The following KIF16B variants were observed in gnomAD, a reference collection of about 807,000 sequenced individuals.
KIF16B encodes the protein kinesin family member 16B.
In KIF16B, 98 loss-of-function variants were observed where a neutral mutation model predicts 156.3. That is an observed-to-expected ratio of 0.63 (90% CI 0.53 to 0.74). The LOEUF is 0.74. Ranked by LOEUF, KIF16B falls within the 30% of genes least tolerant of loss-of-function variation. The pLI is 0.00. For synonymous variants in KIF16B, 564 were observed against 583.7 expected, an observed-to-expected ratio of 0.97 and a Z score of 0.49; for missense variants, 1,421 against 1,606.5, an observed-to-expected ratio of 0.88 and a Z score of 1.97.
Position 16,542,187 on chromosome 20 carries a change from C to T in KIF16B, c.48-13747G>A, listed in dbSNP as rs572517008. The stretch of plus-strand genomic sequence containing the variant: ...GCTGAAAGGAGAATAGCCTAACAAT[C>T]AGAAGTGCCTCAGTACAAAATGAGT... On this transcript the variant is annotated intron_variant, in intron 1 of 25. Coordinates refer to ENST00000354981, the MANE Select transcript of KIF16B (RefSeq NM_024704.5). Among the ~76,000 whole-genome samples, 5 of 152,122 alleles carry T rather than the reference C, an allele frequency of 3.3e-5. No homozygotes were observed. The East Asian group carries it at 7.7e-4, about 24-fold the overall frequency.
intron 25 of KIF16B, among the ~76,000 whole-genome samples, chr20:16,279,594 CTA>C (rs1180585948): frequency 6.6e-6 from 1 of 152,138 alleles, no homozygotes; most frequent in African/African-American, 2.4e-5. Flanking sequence ...CAGGGCTAGT[CTA>C]TGCTAAGATG....
Position 16,406,286 on chromosome 20 carries a change from A to G in KIF16B, c.1695+88T>C, listed in dbSNP as rs895062682. 2.1e-5 allele frequency: 24 copies of G among 1,118,278 alleles called. No homozygotes were observed. In the Admixed American group the frequency reaches 3.6e-4, roughly 17 times the overall value. The allele number at this position is 1,118,278 out of a possible 1,614,324, so 69.3% of individuals were successfully genotyped here. On this transcript the variant is annotated intron_variant, in intron 16 of 25. Coordinates refer to ENST00000354981, the MANE Select transcript of KIF16B (RefSeq NM_024704.5). ...TTTTCCACGGTTCTGCACCCCAGAA[A>G]GTCAAAAGATTGGAACCAGAGTGAC... is the stretch of plus-strand genomic sequence containing the variant.
chr20:16,366,146 TAGG>T (rs1454500684), intron 22 of KIF16B, among the ~76,000 whole-genome samples: 3 of 152,160 alleles, frequency 2.0e-5, no homozygotes, highest in East Asian at 3.9e-4. Context: ...GCCTCTTACC[TAGG>T]AGGAGGCAGC....
At chr20:16,372,085 C>T (rs1239076282) in intron 20 of KIF16B, among the ~76,000 whole-genome samples, 3 of 152,184 alleles carry the variant, frequency 2.0e-5, no homozygotes, top group Non-Finnish European at 4.4e-5. Context: ...CTTCAGAAGG[C>T]TCTGCGGTCT....
chr20:16,422,429 C>G (rs1368162132), intron 15 of KIF16B, among the ~76,000 whole-genome samples: 1 of 152,022 alleles, frequency 6.6e-6, no homozygotes, highest in Non-Finnish European at 1.5e-5. Flanking sequence ...AGGAACATTG[C>G]TGGTCAATGT....
At chr20:16,487,000 T>C (rs547601856) in intron 12 of KIF16B, among the ~76,000 whole-genome samples, 1 of 152,248 alleles carries the variant, frequency 6.6e-6, no homozygotes, top group South Asian at 2.1e-4. Flanking sequence ...ACACCTATAA[T>C]CTCAGCAGTT....
chr20:16,378,107 T>C (rs924747324), intron 19 of KIF16B, among the ~76,000 whole-genome samples: 1 of 152,202 alleles, frequency 6.6e-6, no homozygotes, highest in Non-Finnish European at 1.5e-5. Flanking sequence ...GATTTTTTCA[T>C]TCCCAACATG....
chr20:16,378,386 T>G (rs1008397895), intron 19 of KIF16B, among the ~76,000 whole-genome samples: 3 of 143,346 alleles, frequency 2.1e-5, no homozygotes, highest in African/African-American at 2.6e-5. Flanking sequence ...ATAGATGCAA[T>G]GGAAGGGAGA....
intron 24 of KIF16B, among the ~76,000 whole-genome samples, chr20:16,325,096 C>T (rs2063824758): frequency 6.6e-6 from 1 of 151,996 alleles, no homozygotes; most frequent in African/African-American, 2.4e-5. Flanking sequence ...TGACAAAATC[C>T]AGCATCGCTT....
chr20:16,435,838 A>G (rs766695784), intron 12 of KIF16B, among the ~76,000 whole-genome samples: 1 of 152,134 alleles, frequency 6.6e-6, no homozygotes, highest in Non-Finnish European at 1.5e-5. Flanking sequence ...TAGTCCTGCA[A>G]TGATGTTGTT....
At chr20:16,382,064 C>T in intron 17 of KIF16B, 4 of 1,291,120 alleles carry the variant, frequency 3.1e-6, no homozygotes, top group Non-Finnish European at 4.2e-6. Context: ...TGCAGCTTAG[C>T]ACTGATGAGT....
chr20:16,489,018 G>C (rs979539250), intron 12 of KIF16B, among the ~76,000 whole-genome samples: 10 of 152,216 alleles, frequency 6.6e-5, no homozygotes, highest in Non-Finnish European at 8.8e-5. Context: ...TTAATACAAA[G>C]AATTGGTTAC....
rs892380202 is a variant in KIF16B at position 16,573,415 on chromosome 20, C to G, written c.-140G>C. On this transcript the variant is annotated 5_prime_UTR_variant, in exon 1 of 26. Transcript: ENST00000354981. ...TCTGCTCCCGGCCGGACCTGGAGTT[C>G]CGCGGCAGCCCCACCTGCCAGGCCA... 3.3e-6 allele frequency: 3 copies of G among 914,676 alleles called. No individual in the cohort carries two copies. In the African/African-American group the frequency reaches 5.0e-5, roughly 15 times the overall value. 56.7% of individuals were successfully genotyped at this position (914,676 alleles called of 1,614,324 possible). A position where few individuals can be genotyped will look rare whatever the true frequency, so the allele number is the denominator to read the frequency against.
At chr20:16,528,294 A>G (rs2069622366) in intron 2 of KIF16B, 77 bp downstream of exon 2, 1 of 1,101,004 alleles carries the variant, frequency 9.1e-7, no homozygotes, top group East Asian at 2.4e-5. Context: ...GACAGGCTTT[A>G]TTTACTCATT....
At chr20:16,350,206 T>C (rs1261916586) in intron 23 of KIF16B, among the ~76,000 whole-genome samples, 1 of 152,220 alleles carries the variant, frequency 6.6e-6, no homozygotes, top group Non-Finnish European at 1.5e-5. Context: ...TAGTTCTGCA[T>C]TTCTTGGGTC....
chr20:16,541,716 G>T (rs565437940), intron 1 of KIF16B, among the ~76,000 whole-genome samples: 64 of 152,308 alleles, frequency 4.2e-4, no homozygotes, highest in Non-Finnish European at 8.7e-4. Flanking sequence ...ATGTCTTTGG[G>T]ATCAACTCCT....
intron 1 of KIF16B, among the ~76,000 whole-genome samples, chr20:16,553,177 C>T (rs1015392446): frequency 2.6e-5 from 4 of 152,162 alleles, no homozygotes; most frequent in Non-Finnish European, 5.9e-5. Flanking sequence ...TACTCCAGAG[C>T]CTGGGGTCTC....
chr20:16,565,968 G>A (rs1204033112), intron 1 of KIF16B, among the ~76,000 whole-genome samples: 6 of 152,326 alleles, frequency 3.9e-5, no homozygotes, highest in South Asian at 2.1e-4. Flanking sequence ...ACATGACGAC[G>A]TTCCTACACA....
chr20:16,563,770 A>T (rs2071152765), intron 1 of KIF16B, among the ~76,000 whole-genome samples: 1 of 152,232 alleles, frequency 6.6e-6, no homozygotes, highest in African/African-American at 2.4e-5. Flanking sequence ...GACCCAAGTC[A>T]CTCAAGAGCA....
Sources: allele counts gnomAD v4.1 joint callset (sites outside exome capture counted in the v4.1 genomes callset), GRCh38; gene constraint gnomAD v4.1.1; transcripts MANE v1.5; gene names NCBI Gene and HGNC (gene_info 2026-07-23, HGNC 2026-07-21).